P4HA1: variants seen among roughly 807,000 people sequenced by gnomAD.
The protein encoded by P4HA1 is prolyl 4-hydroxylase subunit alpha 1.
In P4HA1, 24 loss-of-function variants were observed where a neutral mutation model predicts 72.8. The observed-to-expected ratio is 0.33, with a 90% CI of 0.24 to 0.46. The LOEUF (loss-of-function observed/expected upper bound fraction) is 0.46, where lower values mean the gene tolerates loss of function less well. Ranked by LOEUF, P4HA1 falls within the 20% of genes least tolerant of loss-of-function variation. The pLI, the probability that P4HA1 is intolerant of heterozygous loss-of-function variation, is 1.00. For missense variants in P4HA1, 446 were observed against 640.6 expected (o/e 0.70, Z 3.28); for synonymous variants, 201 against 218.8 (o/e 0.92, Z 0.72).
intron 10 of P4HA1, among the ~76,000 whole-genome samples, chr10:73,025,949 G>T (rs188665497): frequency 6.6e-6 from 1 of 152,148 alleles, no homozygotes; most frequent in South Asian, 2.1e-4. Flanking sequence ...ACTGCTCAAC[G>T]AAATAAAAGA....
intron 10 of P4HA1, among the ~76,000 whole-genome samples, chr10:73,026,134 G>A (rs924884741): frequency 1.3e-5 from 2 of 152,120 alleles, no homozygotes; most frequent in African/African-American, 2.4e-5. Flanking sequence ...CCAAAAAAGA[G>A]CCCACATAGC....
chr10:73,080,274 A>C (rs924652667), intron 1 of P4HA1, among the ~76,000 whole-genome samples: 4 of 152,218 alleles, frequency 2.6e-5, no homozygotes, highest in Non-Finnish European at 5.9e-5. Flanking sequence ...CTAGATAATA[A>C]AAATGAAGAT....
intron 1 of P4HA1, among the ~76,000 whole-genome samples, chr10:73,091,799 T>G (rs112813881): frequency 0.021 from 3,201 of 152,348 alleles, 44 homozygotes; most frequent in South Asian, 0.053. Flanking sequence ...AATTCTCATA[T>G]GTACCTATAA....
intron 10 of P4HA1, among the ~76,000 whole-genome samples, chr10:73,024,432 C>T (rs182228971): frequency 0.05 from 7,646 of 152,242 alleles, 639 homozygotes; most frequent in African/African-American, 0.17. Context: ...TAAACATGTT[C>T]TTTGAAACCA....
intron 11 of P4HA1, among the ~76,000 whole-genome samples, chr10:73,015,271 A>T (rs1297738748): frequency 6.6e-6 from 1 of 152,204 alleles, no homozygotes; most frequent in African/African-American, 2.4e-5. Context: ...ATGAAAATGC[A>T]TTTTTCACAT....
At chr10:73,046,105 A>G (rs572182925) in intron 8 of P4HA1, among the ~76,000 whole-genome samples, 1 of 152,282 alleles carries the variant, frequency 6.6e-6, no homozygotes, top group South Asian at 2.1e-4. Flanking sequence ...TTGCACTATA[A>G]TGGCAGAACT....
At chr10:73,088,688 A>G (rs2133164631) in intron 1 of P4HA1, among the ~76,000 whole-genome samples, 2 of 152,362 alleles carry the variant, frequency 1.3e-5, no homozygotes, top group Admixed American at 1.3e-4. Context: ...CCAGTGTCCA[A>G]CAGTGGATAC....
chr10:73,084,378 G>A (rs777803069), intron 1 of P4HA1, among the ~76,000 whole-genome samples: 3 of 152,136 alleles, frequency 2.0e-5, no homozygotes, highest in African/African-American at 4.8e-5. Flanking sequence ...CTACAGCCTC[G>A]ACCTCCAGGG....
At chr10:73,050,115 G>A (rs1021277970) in intron 7 of P4HA1, among the ~76,000 whole-genome samples, 1 of 150,962 alleles carries the variant, frequency 6.6e-6, no homozygotes, top group Admixed American at 6.6e-5. Flanking sequence ...GCAGTGAGCC[G>A]AGACTGCGCT....
At chr10:73,024,269 G>C (rs1379466082) in intron 10 of P4HA1, among the ~76,000 whole-genome samples, 1 of 152,090 alleles carries the variant, frequency 6.6e-6, no homozygotes, top group African/African-American at 2.4e-5. Context: ...AAATGTAAAA[G>C]AACAGAAATC....
Position 73,041,282 on chromosome 10 carries a change from T to C in P4HA1, c.1148+3699A>G, listed in dbSNP as rs183022538. Among the ~76,000 whole-genome samples, 51 of 152,216 alleles carry C rather than the reference T, an allele frequency of 3.4e-4. 1 individual carries two copies. In the East Asian group the frequency reaches 9.9e-3, roughly 30 times the overall value. ...ATTGTCTAGGCCAGGCACGGGCTCATGCTTGTAATCCCAGCACTTTGGGAG... is the reference window on the plus strand; with the variant it reads ...ATTGTCTAGGCCAGGCACGGGCTCACGCTTGTAATCCCAGCACTTTGGGAG... On this transcript the variant is annotated intron_variant, in intron 9 of 14. Transcript: ENST00000394890.
intron 12 of P4HA1, among the ~76,000 whole-genome samples, chr10:73,013,848 C>T (rs1314884801): frequency 6.6e-6 from 1 of 151,914 alleles, no homozygotes; most frequent in Admixed American, 6.6e-5. Flanking sequence ...TTCTGATATA[C>T]TTCAATAAAA....
chr10:73,090,937 C>T (rs1174237596), intron 1 of P4HA1, among the ~76,000 whole-genome samples: 1 of 151,332 alleles, frequency 6.6e-6, no homozygotes, highest in Non-Finnish European at 1.5e-5. Flanking sequence ...TGGCGGGTGC[C>T]TGTAATCCCA....
At chr10:73,021,339 T>C (rs1314906310) in intron 10 of P4HA1, among the ~76,000 whole-genome samples, 1 of 152,034 alleles carries the variant, frequency 6.6e-6, no homozygotes, top group Non-Finnish European at 1.5e-5. Flanking sequence ...AGAAAGGAAA[T>C]TAGCATGATG....
intron 1 of P4HA1, among the ~76,000 whole-genome samples, chr10:73,081,702 A>C (rs892926184): frequency 1.3e-5 from 2 of 152,230 alleles, no homozygotes; most frequent in Admixed American, 6.5e-5. Flanking sequence ...GGATTTTTCA[A>C]CTTTATGATG....
chr10:73,095,912 C>A (rs970366863), intron 1 of P4HA1, among the ~76,000 whole-genome samples: 1 of 150,814 alleles, frequency 6.6e-6, no homozygotes, highest in African/African-American at 2.4e-5. Context: ...TTGAAACATA[C>A]ATCCGGGGGC....
chr10:73,020,067 C>G (rs928666043), intron 10 of P4HA1, among the ~76,000 whole-genome samples: 1 of 151,928 alleles, frequency 6.6e-6, no homozygotes, highest in African/African-American at 2.4e-5. Flanking sequence ...CAAATAGATT[C>G]AACCAAAAAA....
At chr10:73,058,976 C>T (rs937600955) in intron 5 of P4HA1, among the ~76,000 whole-genome samples, 1 of 151,810 alleles carries the variant, frequency 6.6e-6, no homozygotes, top group African/African-American at 2.4e-5. Flanking sequence ...TGGTGTTTCA[C>T]CATATTGGCC....
chr10:73,036,187 CAA>C (rs35435004), intron 9 of P4HA1, among the ~76,000 whole-genome samples: 18 of 84,116 alleles, frequency 2.1e-4, no homozygotes, highest in East Asian at 2.9e-4. Flanking sequence ...AACTCCGTCT[CAA>C]AAAAAAAAAA....
Sources: gnomAD v4.1 joint callset for allele counts (sites outside exome capture counted in the v4.1 genomes callset) on GRCh38, gnomAD v4.1.1 for gene constraint, MANE v1.5 for transcripts, NCBI Gene and HGNC (gene_info 2026-07-23, HGNC 2026-07-21) for gene names.